PTPRG: variants seen among roughly 807,000 people sequenced by gnomAD.
PTPRG encodes the protein receptor-type tyrosine-protein phosphatase gamma.
In PTPRG, 102 loss-of-function variants were observed where a neutral mutation model predicts 165.3. That is an observed-to-expected ratio of 0.62 (90% CI 0.53 to 0.73). The LOEUF is 0.73. Ranked by LOEUF, PTPRG falls within the 30% of genes least tolerant of loss-of-function variation. PTPRG has a pLI of 0.00. For synonymous variants in PTPRG, 675 were observed against 669.5 expected (o/e 1.01, Z -0.13); for missense variants, 1,866 against 1,861.4 (o/e 1.00, Z -0.05).
Position 62,267,714 on chromosome 3 carries a change from C to T in PTPRG, c.2769C>T (p.Ala923=). ...DGYNKAKAYI[A]TQGPLKSTFE... ...ACAACAAAGCAAAAGCCTACATTGC[C>T]ACCCAAGGACCTTTGAAGTCTACAT... is the stretch of plus-strand genomic sequence containing the variant. The change falls in exon 19 of 30, where the codon GCC becomes GCT. Residue 923 remains alanine (A), a synonymous_variant. Transcript: ENST00000474889. 2 of 1,613,184 alleles carry T rather than the reference C, an allele frequency of 1.2e-6. No individual in the cohort carries two copies. Among genetic ancestry groups the T allele is most frequent in the Non-Finnish European group, 1.7e-6 (2 of 1,179,438 alleles).
At position 61,748,768 on chromosome 3, in the gene PTPRG, T is replaced by G. The variant is rs1433734986; in HGVS notation, c.86-110T>G. ...AAAATAAGTTGGTTCTAGTCAGTCATCCTCAAGGACTATGATTCTACGAAG... is the reference window on the plus strand; with the variant it reads ...AAAATAAGTTGGTTCTAGTCAGTCAGCCTCAAGGACTATGATTCTACGAAG... On this transcript the variant is annotated intron_variant, in intron 1 of 29. Coordinates refer to ENST00000474889, the MANE Select transcript of PTPRG (RefSeq NM_002841.4). 3 of 783,284 alleles carry G rather than the reference T, an allele frequency of 3.8e-6. No homozygotes were observed. The African/African-American group carries it at 5.4e-5, about 14-fold the overall frequency. The allele number at this position is 783,284 out of a possible 1,614,324, so 48.5% of individuals were successfully genotyped here. A position where few individuals can be genotyped will look rare whatever the true frequency, so the allele number is the denominator to read the frequency against.
At chr3:61,787,929 G>T (rs940715720) in intron 2 of PTPRG, among the ~76,000 whole-genome samples, 1 of 152,116 alleles carries the variant, frequency 6.6e-6, no homozygotes, top group African/African-American at 2.4e-5. Flanking sequence ...GTCTCCAGTG[G>T]TGTCTTTTTT....
chr3:61,788,375 A>G (rs1034701297), intron 2 of PTPRG, among the ~76,000 whole-genome samples: 1 of 152,246 alleles, frequency 6.6e-6, no homozygotes, highest in Admixed American at 6.5e-5. Context: ...TGAACATTTT[A>G]TTAACACATT....
At chr3:61,677,263 A>AAAAG (rs1703266931) in intron 1 of PTPRG, among the ~76,000 whole-genome samples, 1 of 151,764 alleles carries the variant, frequency 6.6e-6, no homozygotes, top group African/African-American at 2.4e-5. Context: ...AAAAAAAAAA[A>AAAAG]AGAATCACTA....
At chr3:61,924,912 C>T (rs1037458516) in intron 2 of PTPRG, among the ~76,000 whole-genome samples, 17 of 152,232 alleles carry the variant, frequency 1.1e-4, no homozygotes, top group African/African-American at 3.9e-4. Context: ...AGGTCATAAG[C>T]GTGGAGCTCT....
intron 8 of PTPRG, among the ~76,000 whole-genome samples, chr3:62,168,598 G>T (rs113185347): frequency 2.6e-5 from 4 of 152,220 alleles, no homozygotes; most frequent in African/African-American, 9.6e-5. Flanking sequence ...GTCACCATTC[G>T]CTGCTCAGAC....
At chr3:61,945,891 C>T (rs1199061955) in intron 2 of PTPRG, among the ~76,000 whole-genome samples, 11 of 152,130 alleles carry the variant, frequency 7.2e-5, no homozygotes, top group South Asian at 2.1e-4. Context: ...GTGAGAAAAA[C>T]GAAACACAGA....
At chr3:62,088,676 G>C (rs1701830135) in intron 5 of PTPRG, among the ~76,000 whole-genome samples, 1 of 152,168 alleles carries the variant, frequency 6.6e-6, no homozygotes. Flanking sequence ...AGTAAACAGA[G>C]GTAAGAAGGT....
At chr3:62,100,852 T>A (rs116130350) in intron 5 of PTPRG, among the ~76,000 whole-genome samples, 3,154 of 152,310 alleles carry the variant, frequency 0.021, 47 homozygotes, top group Non-Finnish European at 0.035. Context: ...TTGTTTTGTT[T>A]CGTTTTATTT....
chr3:61,564,079 T>G (rs922953243), intron 1 of PTPRG, among the ~76,000 whole-genome samples: 1 of 152,154 alleles, frequency 6.6e-6, no homozygotes, highest in Admixed American at 6.5e-5. Flanking sequence ...ACTGGAGTCC[T>G]GCCTCTACGG....
chr3:61,646,625 AC>A (rs1384984620), intron 1 of PTPRG, among the ~76,000 whole-genome samples: 1 of 152,218 alleles, frequency 6.6e-6, no homozygotes, highest in Non-Finnish European at 1.5e-5. Flanking sequence ...TTCAGATTTC[AC>A]CAGTTTAACA....
intron 1 of PTPRG, among the ~76,000 whole-genome samples, chr3:61,588,753 G>A (rs551972704): frequency 6.6e-6 from 1 of 151,956 alleles, no homozygotes; most frequent in Non-Finnish European, 1.5e-5. Flanking sequence ...GCCCTAGGAG[G>A]GATAAATATT....
At chr3:61,711,709 C>A (rs2031564494) in intron 1 of PTPRG, among the ~76,000 whole-genome samples, 1 of 152,154 alleles carries the variant, frequency 6.6e-6, no homozygotes, top group Non-Finnish European at 1.5e-5. Flanking sequence ...GGCTGATATC[C>A]AGAATCTACA....
chr3:61,686,806 G>A (rs1703646328), intron 1 of PTPRG, among the ~76,000 whole-genome samples: 1 of 152,126 alleles, frequency 6.6e-6, no homozygotes, highest in South Asian at 2.1e-4. Context: ...AATCAGGTGG[G>A]GGAAAAGCAG....
At chr3:61,612,637 C>T (rs1326269930) in intron 1 of PTPRG, among the ~76,000 whole-genome samples, 1 of 152,052 alleles carries the variant, frequency 6.6e-6, no homozygotes, top group Non-Finnish European at 1.5e-5. Context: ...CTGTTTTTTT[C>T]CCCCGTCTTC....
chr3:62,082,413 A>G (rs898799119), intron 5 of PTPRG, among the ~76,000 whole-genome samples: 1 of 152,176 alleles, frequency 6.6e-6, no homozygotes, highest in Admixed American at 6.5e-5. Context: ...GGTTACTTGC[A>G]CTTTGCCCCA....
chr3:61,952,118 G>GAA (rs35655816), intron 2 of PTPRG, among the ~76,000 whole-genome samples: 97 of 79,504 alleles, frequency 1.2e-3, no homozygotes, highest in Non-Finnish European at 1.4e-3. Context: ...CTCCACCTCA[G>GAA]AAAAAAAAAA....
intron 2 of PTPRG, among the ~76,000 whole-genome samples, chr3:61,898,055 T>C (rs1170116601): frequency 6.6e-6 from 1 of 152,214 alleles, no homozygotes; most frequent in Non-Finnish European, 1.5e-5. Flanking sequence ...CTTTTATGCC[T>C]TATTTTAGTG....
intron 2 of PTPRG, among the ~76,000 whole-genome samples, chr3:61,913,137 T>C (rs1217130945): frequency 6.6e-6 from 1 of 152,232 alleles, no homozygotes; most frequent in Non-Finnish European, 1.5e-5. Context: ...TGTTGGAGTT[T>C]GGGCTTCTGT....
Sources: allele counts gnomAD v4.1 joint callset (sites outside exome capture counted in the v4.1 genomes callset), GRCh38; gene constraint gnomAD v4.1.1; transcripts MANE v1.5; gene names NCBI Gene and HGNC (gene_info 2026-07-23, HGNC 2026-07-21).